DNAH14: variants seen among roughly 807,000 people sequenced by gnomAD.
DNAH14 encodes dynein axonemal heavy chain 14, also known as axonemal beta dynein heavy chain 14.
Under a neutral mutation model 520.9 loss-of-function variants are expected in DNAH14, and 478 were observed. The observed-to-expected ratio is 0.92, with a 90% confidence interval of 0.85 to 0.99. The LOEUF is 0.99. DNAH14 is among the 50% of genes least tolerant of loss of function. The pLI is 0.00. For synonymous variants in DNAH14, 1,581 were observed against 1,757.2 expected (o/e 0.90, Z 2.51); for missense variants, 4,831 against 5,234.5 (o/e 0.92, Z 2.38).
At chr1:225,374,159 ATATAT>A (rs2095658457) in intron 77 of DNAH14, among the ~76,000 whole-genome samples, 1 of 71,654 alleles carries the variant, frequency 1.4e-5, no homozygotes, top group African/African-American at 4.6e-5. Flanking sequence ...ATATATATAT[ATATAT>A]ATATATATAT....
intron 56 of DNAH14, among the ~76,000 whole-genome samples, chr1:225,302,271 A>T (rs1003065127): frequency 6.6e-6 from 1 of 151,896 alleles, no homozygotes; most frequent in Non-Finnish European, 1.5e-5. Context: ...GCGTAAAACA[A>T]AGATAGATAT....
At chr1:224,973,345 A>G (rs1484112985) in intron 7 of DNAH14, among the ~76,000 whole-genome samples, 1 of 152,238 alleles carries the variant, frequency 6.6e-6, no homozygotes, top group Non-Finnish European at 1.5e-5. Context: ...CTGCATAAGT[A>G]ATCTCACATT....
chr1:225,190,929 A>C (rs549518512), intron 37 of DNAH14, among the ~76,000 whole-genome samples: 1 of 152,094 alleles, frequency 6.6e-6, no homozygotes, highest in Non-Finnish European at 1.5e-5. Context: ...ACTGATACCA[A>C]CTTCACTTCA....
At chr1:225,103,285 T>G (rs528002317) in intron 23 of DNAH14, among the ~76,000 whole-genome samples, 1 of 152,216 alleles carries the variant, frequency 6.6e-6, no homozygotes, top group South Asian at 2.1e-4. Context: ...CTGTTTTGGT[T>G]ACTATAGCCT....
chr1:224,987,221 T>C (rs1474015283), intron 8 of DNAH14, among the ~76,000 whole-genome samples: 1 of 152,046 alleles, frequency 6.6e-6, no homozygotes, highest in African/African-American at 2.4e-5. Flanking sequence ...TAGTTCCCCT[T>C]CTAGTCTGAG....
chr1:224,974,016 A>G, intron 7 of DNAH14, 75 bp from the exon 8 acceptor site: 1 of 971,162 alleles, frequency 1.0e-6, no homozygotes, highest in South Asian at 2.3e-5. Flanking sequence ...TGGTATTACT[A>G]AGCTTTTACT....
chr1:225,085,837 T>C (rs770480754), intron 21 of DNAH14, 48 bp downstream of exon 21: 4 of 1,468,486 alleles, frequency 2.7e-6, no homozygotes, highest in Non-Finnish European at 3.6e-6. Context: ...TGTAGTTTTA[T>C]TTATTATTTC....
intron 10 of DNAH14, among the ~76,000 whole-genome samples, chr1:225,016,650 T>C (rs1275605385): frequency 6.6e-6 from 1 of 152,168 alleles, no homozygotes; most frequent in East Asian, 1.9e-4. Context: ...GTTTTTCTCT[T>C]CTCTTTCTGC....
At chr1:225,007,333 C>A (rs2147855760) in intron 9 of DNAH14, 80 bp from the exon 10 acceptor site, 1 of 1,228,054 alleles carries the variant, frequency 8.1e-7, no homozygotes, top group Non-Finnish European at 1.1e-6. Flanking sequence ...TCTTTATGAC[C>A]TGAAAAGACC....
intron 8 of DNAH14, among the ~76,000 whole-genome samples, chr1:224,978,498 A>T (rs2062024340): frequency 1.3e-5 from 2 of 152,162 alleles, no homozygotes; most frequent in South Asian, 4.1e-4. Context: ...TTATTAGATG[A>T]TGAGAAGGGT....
At chr1:225,008,500 A>G (rs940980122) in intron 10 of DNAH14, among the ~76,000 whole-genome samples, 1 of 151,602 alleles carries the variant, frequency 6.6e-6, no homozygotes, top group African/African-American at 2.4e-5. Flanking sequence ...ATCTTCCACA[A>G]TGTTCAAACT....
chr1:225,205,421 C>T (rs541224677), intron 39 of DNAH14, among the ~76,000 whole-genome samples: 7 of 152,316 alleles, frequency 4.6e-5, no homozygotes, highest in South Asian at 2.1e-4. Flanking sequence ...TGATCTTGGA[C>T]TTCCAAACCT....
intron 17 of DNAH14, among the ~76,000 whole-genome samples, chr1:225,065,873 A>T (rs1307167741): frequency 6.6e-6 from 1 of 152,090 alleles, no homozygotes; most frequent in Admixed American, 6.6e-5. Context: ...TTTTGGGTAA[A>T]TACCCAGAAG....
chr1:225,266,076 TG>T (rs2093105615), intron 48 of DNAH14, among the ~76,000 whole-genome samples: 1 of 152,110 alleles, frequency 6.6e-6, no homozygotes, highest in Non-Finnish European at 1.5e-5. Flanking sequence ...TACACTTCAA[TG>T]CACAATATTT....
chr1:224,952,636 T>C, intron 1 of DNAH14, 34 bp from the exon 2 acceptor site: 1 of 1,186,164 alleles, frequency 8.4e-7, no homozygotes, highest in Non-Finnish European at 1.2e-6. Context: ...GATTGTATTG[T>C]ATATTAAATA....
chr1:224,981,199 T>TA (rs2062243439), intron 8 of DNAH14, among the ~76,000 whole-genome samples: 1 of 152,220 alleles, frequency 6.6e-6, no homozygotes. Flanking sequence ...AGTATATTGT[T>TA]AAAGATTCTA....
intron 66 of DNAH14, among the ~76,000 whole-genome samples, chr1:225,335,599 G>T (rs566504551): frequency 4.0e-4 from 41 of 103,622 alleles, no homozygotes; most frequent in Non-Finnish European, 5.1e-4. Flanking sequence ...ATGTATATAC[G>T]CATACGTATA....
chr1:225,230,116 A>G (rs1351823084), intron 41 of DNAH14, among the ~76,000 whole-genome samples: 1 of 152,146 alleles, frequency 6.6e-6, no homozygotes, highest in African/African-American at 2.4e-5. Context: ...TTTATTATAA[A>G]TAAATAATCA....
At position 225,107,915 on chromosome 1, in the gene DNAH14, A is replaced by T. The variant is rs550127529; in HGVS notation, c.3867+7031A>T. ...TCAGTGATAATAAACACTTTTTCAT[A>T]TACCTGTGTGATGGTTAGTATTGAG... On this transcript the variant is annotated intron_variant, in intron 23 of 85. Transcript: ENST00000682510. 1.2e-4 allele frequency among the ~76,000 whole-genome samples: 18 copies of T among 152,282 alleles called. No homozygotes were observed. In the East Asian group the frequency reaches 3.5e-3, roughly 29 times the overall value.
Sources: gnomAD v4.1 joint callset for allele counts (sites outside exome capture counted in the v4.1 genomes callset) on GRCh38, gnomAD v4.1.1 for gene constraint, MANE v1.5 for transcripts, NCBI Gene and HGNC (gene_info 2026-07-23, HGNC 2026-07-21) for gene names.